CDH12: variants seen among roughly 807,000 people sequenced by gnomAD.
The protein encoded by CDH12 is cadherin 12.
Under a neutral mutation model 74.1 loss-of-function variants are expected in CDH12, and 41 were observed. The observed-to-expected ratio is 0.55, with a 90% CI of 0.43 to 0.72. The LOEUF (loss-of-function observed/expected upper bound fraction) is 0.72. Ranked by LOEUF, CDH12 falls within the 30% of genes least tolerant of loss-of-function variation. The pLI, the probability that CDH12 is intolerant of heterozygous loss-of-function variation, is 0.00. For missense variants in CDH12, 945 were observed against 977.2 expected (o/e 0.97, Z 0.44); for synonymous variants, 399 against 355.0 (o/e 1.12, Z -1.39).
intron 10 of CDH12, among the ~76,000 whole-genome samples, chr5:21,791,498 C>A (rs1190083878): frequency 6.6e-6 from 1 of 151,822 alleles, no homozygotes; most frequent in African/African-American, 2.4e-5. Flanking sequence ...ATAACATGAA[C>A]TGTGTAATTT....
At chr5:22,279,209 T>C (rs1467315060) in intron 3 of CDH12, among the ~76,000 whole-genome samples, 1 of 152,174 alleles carries the variant, frequency 6.6e-6, no homozygotes, top group Non-Finnish European at 1.5e-5. Flanking sequence ...ATAAGAAGTA[T>C]AACTAGAGTT....
intron 1 of CDH12, among the ~76,000 whole-genome samples, chr5:22,828,209 G>T (rs1022017775): frequency 6.6e-6 from 1 of 152,060 alleles, no homozygotes; most frequent in Non-Finnish European, 1.5e-5. Flanking sequence ...GGATCAAAAG[G>T]TTTATGGTTC....
chr5:22,346,177 A>C (rs1338574693), intron 3 of CDH12, among the ~76,000 whole-genome samples: 2 of 151,922 alleles, frequency 1.3e-5, no homozygotes, highest in East Asian at 3.9e-4. Flanking sequence ...GATTGGCTTC[A>C]GTGGTTATTG....
intron 4 of CDH12, among the ~76,000 whole-genome samples, chr5:22,211,765 A>C (rs941120878): frequency 2.0e-5 from 3 of 151,264 alleles, no homozygotes; most frequent in Non-Finnish European, 4.4e-5. Flanking sequence ...GAAATAAAAC[A>C]TAAAAAAGAT....
At chr5:22,778,576 T>C (rs1226671898) in intron 1 of CDH12, among the ~76,000 whole-genome samples, 2 of 152,142 alleles carry the variant, frequency 1.3e-5, no homozygotes, top group Admixed American at 1.3e-4. Context: ...ATATAATGTG[T>C]TTGGCATCAA....
In CDH12 at chr5:22,798,512, AT is replaced by A. The variant is rs370818531; in HGVS notation, c.-523+54545del. On this transcript the variant is annotated intron_variant, in intron 1 of 14. Coordinates refer to ENST00000382254, the MANE Select transcript of CDH12 (RefSeq NM_004061.5). The stretch of plus-strand genomic sequence containing the variant: ...ATGTATTTTTTCATTCTAATTTCTA[AT>A]ATGGTAAATATCACCAGATATATTA... Among the ~76,000 whole-genome samples the A allele has an allele frequency of 3.7e-3, 568 of 152,192 alleles. 6 individuals are homozygous for A. The highest frequency in any genetic ancestry group is 0.013 in the African/African-American group (528 of 41,560).
chr5:21,766,904 AG>A (rs371956766), intron 11 of CDH12, among the ~76,000 whole-genome samples: 2,526 of 152,002 alleles, frequency 0.017, 42 homozygotes, highest in Middle Eastern at 0.044. Flanking sequence ...CTGAAGAGAC[AG>A]GGATGTAATT....
chr5:22,093,972 T>C (rs577260570), intron 4 of CDH12, among the ~76,000 whole-genome samples: 1 of 152,284 alleles, frequency 6.6e-6, no homozygotes, highest in South Asian at 2.1e-4. Context: ...ATGGCTCATA[T>C]TTGAGAGTAT....
At chr5:22,264,847 T>C (rs1473402600) in intron 3 of CDH12, among the ~76,000 whole-genome samples, 2 of 152,198 alleles carry the variant, frequency 1.3e-5, no homozygotes, top group East Asian at 1.9e-4. Flanking sequence ...AAGTGTGAGC[T>C]GGCACAGGCC....
intron 4 of CDH12, among the ~76,000 whole-genome samples, chr5:22,138,875 T>TATATATATATATATAC (rs1256794399): frequency 3.0e-4 from 41 of 137,684 alleles, no homozygotes; most frequent in Admixed American, 4.4e-4. Context: ...TATATATATA[T>TATATATATATATATAC]ACATGTTGGA....
intron 5 of CDH12, among the ~76,000 whole-genome samples, chr5:22,010,381 C>T (rs1464504456): frequency 6.6e-6 from 1 of 152,114 alleles, no homozygotes; most frequent in Non-Finnish European, 1.5e-5. Flanking sequence ...GCATTAACCC[C>T]CCATCTATTT....
rs187526169 is a variant in CDH12, at chr5:22,628,100, A to T, written c.-522-122736T>A. Reference sequence around the variant, plus strand: ...CCAACAAAGGAGCACCAAGATTCATAAAAGCAAGTTCTTACAAATCTATGA... The same window carrying T: ...CCAACAAAGGAGCACCAAGATTCATTAAAGCAAGTTCTTACAAATCTATGA... On this transcript the variant is annotated intron_variant, in intron 1 of 14. Transcript: ENST00000382254. Among the ~76,000 whole-genome samples the T allele has an allele frequency of 1.9e-3, 284 of 152,270 alleles. 2 individuals carry two copies. The East Asian group carries it at 0.019, about 10-fold the overall frequency.
intron 1 of CDH12, among the ~76,000 whole-genome samples, chr5:22,584,311 G>T (rs113706850): frequency 6.6e-6 from 1 of 152,018 alleles, no homozygotes; most frequent in Non-Finnish European, 1.5e-5. Flanking sequence ...TGTTGATCAG[G>T]CTGGCCTCAA....
chr5:22,766,286 G>A (rs1029381642), intron 1 of CDH12, among the ~76,000 whole-genome samples: 4 of 151,896 alleles, frequency 2.6e-5, no homozygotes, highest in Non-Finnish European at 5.9e-5. Context: ...ATTTGCACAG[G>A]TGCACAAAGA....
At position 22,677,353 on chromosome 5, in the gene CDH12, G is replaced by A. The variant is rs190318568; in HGVS notation, c.-522-171989C>T. On this transcript the variant is annotated intron_variant, in intron 1 of 14. Coordinates refer to ENST00000382254, the MANE Select transcript of CDH12 (RefSeq NM_004061.5). ...GTCAAAGATCAAGAAGTCAACAGAC[G>A]TCTTGATTTCAAAATGTAAAATTTT... is the stretch of plus-strand genomic sequence containing the variant. 2.2e-3 allele frequency among the ~76,000 whole-genome samples: 339 copies of A among 152,184 alleles called. 1 individual carries two copies. Among genetic ancestry groups the A allele is most frequent in the African/African-American group, 7.5e-3 (310 of 41,536 alleles).
At chr5:21,907,699 AT>A (rs1425393494) in intron 6 of CDH12, among the ~76,000 whole-genome samples, 1 of 152,182 alleles carries the variant, frequency 6.6e-6, no homozygotes, top group Non-Finnish European at 1.5e-5. Context: ...TAGAAATAGG[AT>A]TCAGGATAAA....
At chr5:21,757,319 G>A (rs1344973044) in intron 13 of CDH12, among the ~76,000 whole-genome samples, 3 of 152,080 alleles carry the variant, frequency 2.0e-5, no homozygotes, top group African/African-American at 7.2e-5. Flanking sequence ...GGGACTACAG[G>A]TGCCTGCCAC....
chr5:22,719,615 C>T (rs1179922708), intron 1 of CDH12, among the ~76,000 whole-genome samples: 1 of 152,058 alleles, frequency 6.6e-6, no homozygotes, highest in Non-Finnish European at 1.5e-5. Flanking sequence ...AACATTCCTC[C>T]ATGTGGGCCA....
intron 3 of CDH12, among the ~76,000 whole-genome samples, chr5:22,382,578 G>A (rs552391289): frequency 1.3e-5 from 2 of 151,954 alleles, no homozygotes; most frequent in Admixed American, 6.6e-5. Flanking sequence ...TATTAATGAT[G>A]TCTCCTCTAC....
Sources: gnomAD v4.1 joint callset for allele counts (sites outside exome capture counted in the v4.1 genomes callset) on GRCh38, gnomAD v4.1.1 for gene constraint, MANE v1.5 for transcripts, NCBI Gene and HGNC (gene_info 2026-07-23, HGNC 2026-07-21) for gene names.